Variants in DNM3 observed in about 807,000 individuals in gnomAD.
DNM3 encodes dynamin 3, also known as dynamin-3.
Under a neutral mutation model 101.6 loss-of-function variants are expected in DNM3, and 47 were observed. That is an observed-to-expected ratio of 0.46 (90% CI 0.37 to 0.59). The LOEUF (loss-of-function observed/expected upper bound fraction) is 0.59, where lower values mean the gene tolerates loss of function less well. Ranked by LOEUF, DNM3 falls within the 20% of genes least tolerant of loss-of-function variation. The probability of loss-of-function intolerance (pLI) is 0.00; values close to 1 mark genes in which losing one functional copy is unlikely to be tolerated. For synonymous variants in DNM3, 385 were observed against 387.9 expected (o/e 0.99, Z 0.09); for missense variants, 849 against 1,085.7 (o/e 0.78, Z 3.06).
intron 14 of DNM3, among the ~76,000 whole-genome samples, chr1:172,240,951 T>C (rs1160848084): frequency 1.3e-5 from 2 of 151,896 alleles, no homozygotes; most frequent in Non-Finnish European, 2.9e-5. Context: ...GAGTAAATTT[T>C]TCCCTTCCTA....
rs187010534 is a variant in DNM3, at chr1:172,272,021, C to T, written c.1769+18339C>T. Among the ~76,000 whole-genome samples, 9 of 152,146 alleles carry T rather than the reference C, an allele frequency of 5.9e-5. No individual in the cohort carries two copies. The South Asian group carries it at 1.7e-3, about 28-fold the overall frequency. ...GTGTCAGTTGTTTTCCTTTAAATGACAGGCTTATTTTGTTTATTTTTGAGA... is the reference window on the plus strand; with the variant it reads ...GTGTCAGTTGTTTTCCTTTAAATGATAGGCTTATTTTGTTTATTTTTGAGA... On this transcript the variant is annotated intron_variant, in intron 15 of 20. Transcript: ENST00000627582.
At chr1:172,171,830 C>G (rs1558674409) in intron 14 of DNM3, among the ~76,000 whole-genome samples, 1 of 151,616 alleles carries the variant, frequency 6.6e-6, no homozygotes, top group Non-Finnish European at 1.5e-5. Flanking sequence ...GTAAATAGGA[C>G]AGTGTCAAAA....
At chr1:171,852,690 T>C (rs1196847828) in intron 1 of DNM3, among the ~76,000 whole-genome samples, 5 of 152,222 alleles carry the variant, frequency 3.3e-5, no homozygotes, top group African/African-American at 1.2e-4. Flanking sequence ...AATGGGTGAA[T>C]GTTACAGGCA....
At chr1:171,896,255 T>G (rs1431195960) in intron 1 of DNM3, among the ~76,000 whole-genome samples, 1 of 152,214 alleles carries the variant, frequency 6.6e-6, no homozygotes, top group East Asian at 1.9e-4. Context: ...ACAATATTGA[T>G]TCTTCCTATC....
chr1:171,874,828 T>C (rs2035612416), intron 1 of DNM3, among the ~76,000 whole-genome samples: 2 of 151,086 alleles, frequency 1.3e-5, no homozygotes, highest in African/African-American at 4.9e-5. Context: ...CTTCCTTTAC[T>C]TCCCCATCTA....
chr1:172,033,511 C>G (rs1024095128), intron 6 of DNM3, among the ~76,000 whole-genome samples: 6 of 152,114 alleles, frequency 3.9e-5, no homozygotes, highest in African/African-American at 1.4e-4. Flanking sequence ...TATTTAGGAA[C>G]AGTGAACAGG....
intron 2 of DNM3, among the ~76,000 whole-genome samples, chr1:171,953,840 C>G (rs1352965213): frequency 6.6e-6 from 1 of 152,078 alleles, no homozygotes; most frequent in Non-Finnish European, 1.5e-5. Flanking sequence ...AAAGAAATGC[C>G]TTTATAATAA....
intron 4 of DNM3, among the ~76,000 whole-genome samples, chr1:172,013,314 C>T (rs2047243003): frequency 6.6e-6 from 1 of 151,966 alleles, no homozygotes; most frequent in Non-Finnish European, 1.5e-5. Context: ...GACAACAAAT[C>T]TAGGTAACAT....
intron 4 of DNM3, among the ~76,000 whole-genome samples, chr1:171,990,769 A>G (rs1571982106): frequency 6.6e-6 from 1 of 152,060 alleles, no homozygotes; most frequent in African/African-American, 2.4e-5. Flanking sequence ...GAATTCTGCA[A>G]TGGTAACTGT....
intron 9 of DNM3, among the ~76,000 whole-genome samples, chr1:172,044,691 T>G (rs892625394): frequency 1.3e-5 from 2 of 152,120 alleles, no homozygotes; most frequent in African/African-American, 2.4e-5. Flanking sequence ...CTCTGCACAA[T>G]AGGGGATTCG....
At chr1:172,154,563 C>T (rs1286488543) in intron 14 of DNM3, among the ~76,000 whole-genome samples, 3 of 152,034 alleles carry the variant, frequency 2.0e-5, no homozygotes, top group African/African-American at 7.2e-5. Context: ...TTTGTGCTAG[C>T]AGGAAGAAGA....
intron 8 of DNM3, among the ~76,000 whole-genome samples, chr1:172,043,522 C>G (rs2049547660): frequency 1.3e-5 from 2 of 152,144 alleles, no homozygotes; most frequent in Non-Finnish European, 2.9e-5. Flanking sequence ...TATGGAAACA[C>G]AGCCCACAGA....
At chr1:172,300,238 GT>G (rs2064376051) in intron 15 of DNM3, among the ~76,000 whole-genome samples, 1 of 151,446 alleles carries the variant, frequency 6.6e-6, no homozygotes, top group Admixed American at 6.6e-5. Flanking sequence ...GGGGTTATTT[GT>G]TTTTCACTTA....
intron 17 of DNM3, among the ~76,000 whole-genome samples, chr1:172,325,458 G>C (rs897603737): frequency 6.6e-6 from 1 of 151,956 alleles, no homozygotes; most frequent in African/African-American, 2.4e-5. Flanking sequence ...TTATGAATAA[G>C]TGATAGTTTG....
intron 2 of DNM3, among the ~76,000 whole-genome samples, chr1:171,955,503 G>A (rs984050998): frequency 2.6e-5 from 4 of 152,088 alleles, no homozygotes; most frequent in Non-Finnish European, 5.9e-5. Flanking sequence ...GGGAGTCAAA[G>A]ACTTAAATGG....
At chr1:171,903,748 T>C (rs1195096088) in intron 1 of DNM3, among the ~76,000 whole-genome samples, 1 of 152,168 alleles carries the variant, frequency 6.6e-6, no homozygotes, top group Non-Finnish European at 1.5e-5. Context: ...CTTGTAGACA[T>C]TTTACTCCTG....
In DNM3 at chr1:172,140,922, T is replaced by C. The variant is rs143918744; in HGVS notation, c.1659+9634T>C. Among the ~76,000 whole-genome samples, 1,490 of 152,122 alleles carry C rather than the reference T, an allele frequency of 9.8e-3. 23 individuals are homozygous for C. Among genetic ancestry groups the C allele is most frequent in the African/African-American group, 0.033 (1,351 of 41,550 alleles). On this transcript the variant is annotated intron_variant, in intron 14 of 20. Coordinates refer to ENST00000627582, the MANE Select transcript of DNM3 (RefSeq NM_015569.5). ...TTTTTTAATCTCCCAAATTATAGGT[T>C]GAATATTAGTTTATTATTACTTAAA... is the stretch of plus-strand genomic sequence containing the variant.
At chr1:171,928,082 C>A (rs1460999291) in intron 2 of DNM3, among the ~76,000 whole-genome samples, 1 of 152,164 alleles carries the variant, frequency 6.6e-6, no homozygotes, top group Non-Finnish European at 1.5e-5. Flanking sequence ...GACTTCTTAT[C>A]TCTGGCTTCA....
At chr1:171,928,879 C>T (rs538672591) in intron 2 of DNM3, among the ~76,000 whole-genome samples, 2 of 152,280 alleles carry the variant, frequency 1.3e-5, no homozygotes, top group Admixed American at 6.5e-5. Flanking sequence ...GCTCTGGTCC[C>T]TAGTCACTTT....
Sources: allele counts gnomAD v4.1 joint callset (sites outside exome capture counted in the v4.1 genomes callset), GRCh38; gene constraint gnomAD v4.1.1; transcripts MANE v1.5; gene names NCBI Gene and HGNC (gene_info 2026-07-23, HGNC 2026-07-21).